Variants in ACSS1 observed in about 807,000 individuals in gnomAD.
ACSS1 encodes acyl-CoA synthetase short chain family member 1, also known as acetyl-coenzyme A synthetase 2-like, mitochondrial.
Under a neutral mutation model 75.3 loss-of-function variants are expected in ACSS1, and 42 were observed. The observed-to-expected ratio is 0.56, with a 90% confidence interval of 0.44 to 0.72. ACSS1 has a LOEUF of 0.72. Ranked by LOEUF, ACSS1 falls within the 30% of genes least tolerant of loss-of-function variation. ACSS1 has a pLI of 0.00. For synonymous variants in ACSS1, 380 were observed against 376.8 expected (o/e 1.01, Z -0.10); for missense variants, 782 against 935.7 (o/e 0.84, Z 2.14).
At chr20:25,053,297 T>C (rs1401533611) in intron 1 of ACSS1, among the ~76,000 whole-genome samples, 1 of 150,262 alleles carries the variant, frequency 6.7e-6, no homozygotes, top group Non-Finnish European at 1.5e-5. Context: ...ACTCCTGGGC[T>C]CAAGCGATCT....
intron 1 of ACSS1, among the ~76,000 whole-genome samples, chr20:25,054,685 C>T (rs1409985162): frequency 1.3e-5 from 2 of 152,216 alleles, no homozygotes; most frequent in Non-Finnish European, 2.9e-5. Flanking sequence ...AGGCTCCAGA[C>T]TTGGGAGTGA....
intron 7 of ACSS1, among the ~76,000 whole-genome samples, chr20:25,019,369 C>T (rs150872453): frequency 3.9e-4 from 59 of 152,340 alleles, no homozygotes; most frequent in African/African-American, 8.9e-4. Flanking sequence ...TATCCATCAA[C>T]ATTACCAATA....
chr20:25,057,133 C>CCGAGAA (rs1436677888), intron 1 of ACSS1, among the ~76,000 whole-genome samples: 1 of 152,128 alleles, frequency 6.6e-6, no homozygotes, highest in Admixed American at 6.5e-5. Flanking sequence ...TTCTCTGAGG[C>CCGAGAA]CGAGAACGAG....
At position 25,012,748 on chromosome 20, in the gene ACSS1, T is replaced by C. The variant is rs2088433415; in HGVS notation, c.1707+64A>G. ...TCGGGCCAGGGACTCCCACCCCAACTTGCAGGTCCACAGGGGCATCATGGA... is the reference window on the plus strand; with the variant it reads ...TCGGGCCAGGGACTCCCACCCCAACCTGCAGGTCCACAGGGGCATCATGGA... On this transcript the variant is annotated intron_variant, in intron 11 of 13. Coordinates refer to ENST00000323482, the MANE Select transcript of ACSS1 (RefSeq NM_032501.4). 3 of 1,612,924 alleles carry C rather than the reference T, an allele frequency of 1.9e-6. No individual in the cohort carries two copies. In the African/African-American group the frequency reaches 4.0e-5, roughly 22 times the overall value.
rs781232536 is a variant in ACSS1 at position 25,013,569 on chromosome 20, G to T, written c.1546C>A (p.Arg516=). The T allele has an allele frequency of 6.2e-7, 1 of 1,606,568 alleles. No homozygotes were observed. The highest frequency in any genetic ancestry group is 8.5e-7 in the Non-Finnish European group (1 of 1,173,972). Reference sequence around the variant, plus strand: ...GCCTTGAAGTAGGCGTCCACAAATCGCTGGTGGTCGCCATAGATGGTCCTG... The same window carrying T: ...GCCTTGAAGTAGGCGTCCACAAATCTCTGGTGGTCGCCATAGATGGTCCTG... The part of the protein sequence containing the change: ...MARTIYGDHQ[R]FVDAYFKAYP... Residue 516 remains arginine (R), a synonymous_variant, in exon 10 of 14, where the codon CGA becomes AGA. Coordinates refer to ENST00000323482, the MANE Select transcript of ACSS1 (RefSeq NM_032501.4).
At chr20:25,012,732 G>T (rs895943118) in intron 11 of ACSS1, 68 bp from the exon 12 acceptor site, 17 of 1,613,198 alleles carry the variant, frequency 1.1e-5, no homozygotes, top group Admixed American at 8.3e-5. Context: ...CTCGGGCCAG[G>T]GACTCCCACC....
intron 1 of ACSS1, among the ~76,000 whole-genome samples, chr20:25,055,535 C>T (rs916217385): frequency 5.9e-5 from 9 of 152,320 alleles, no homozygotes; most frequent in African/African-American, 2.2e-4. Flanking sequence ...GCGTACAGGC[C>T]AGTGGTTCTC....
At position 25,019,997 on chromosome 20, in the gene ACSS1, G is replaced by C; in HGVS notation, c.1246+13C>G. 1 of 1,614,080 alleles carries C rather than the reference G, an allele frequency of 6.2e-7. No individual in the cohort carries two copies. Among genetic ancestry groups the C allele is most frequent in the Non-Finnish European group, 8.5e-7 (1 of 1,180,006 alleles). ...CAAGCACAACCTCTCCTGCTGCAGG[G>C]CAGGCCGCTCACCTGACCCCAGGGT... On this transcript the variant is annotated intron_variant, in intron 7 of 13. Coordinates refer to ENST00000323482, the MANE Select transcript of ACSS1 (RefSeq NM_032501.4).
intron 2 of ACSS1, among the ~76,000 whole-genome samples, chr20:25,042,191 G>A (rs747579854): frequency 2.6e-5 from 4 of 152,126 alleles, no homozygotes; most frequent in Non-Finnish European, 5.9e-5. Context: ...CCAGGACCTC[G>A]GCACCCAGGA....
Position 25,006,604 on chromosome 20 carries a change from C to A in ACSS1, c.*1158G>T. 2.0e-6 allele frequency: 1 copy of A among 495,398 alleles called. No individual in the cohort carries two copies. The highest frequency in any genetic ancestry group is 5.7e-4 in the Middle Eastern group (1 of 1,750). The allele number at this position is 495,398 out of a possible 1,614,324, so 30.7% of individuals were successfully genotyped here. ...GGGGCAAAGAGGACAAACTCTCCCT[C>A]CCCTAAGGGACCCGGCTCACTGGGC... On this transcript the variant is annotated 3_prime_UTR_variant, in exon 14 of 14. Transcript: ENST00000323482.
chr20:25,019,968 AG>A (rs1202767520), intron 7 of ACSS1, 41 bp downstream of exon 7: 12 of 1,613,260 alleles, frequency 7.4e-6, no homozygotes, highest in Non-Finnish European at 1.0e-5. Flanking sequence ...CTGAGGGTCT[AG>A]GGCAAGCACA....
chr20:25,048,244 G>A, intron 1 of ACSS1, 63 bp from the exon 2 acceptor site: 5 of 1,463,750 alleles, frequency 3.4e-6, no homozygotes, highest in Middle Eastern at 1.7e-4. Context: ...ATTCGGCCAG[G>A]TTGAGGGGTT....
rs1378808527 is a variant in ACSS1, at chr20:25,006,837, G to C, written c.*925C>G. ...ACAGAGTGAAGGTCAGGCAGCGTTT[G>C]CCAGGATTTGGCTCTGACCAAGTTA... On this transcript the variant is annotated 3_prime_UTR_variant, in exon 14 of 14. Transcript: ENST00000323482. 1.2e-5 allele frequency: 18 copies of C among 1,535,468 alleles called. No individual in the cohort carries two copies. The Admixed American group carries it at 3.5e-4, about 30-fold the overall frequency.
In ACSS1 at chr20:25,007,390, G is replaced by A. The variant is rs961092845; in HGVS notation, c.*372C>T. 32 of 1,100,374 alleles carry A rather than the reference G, an allele frequency of 2.9e-5. No homozygotes were observed. The highest frequency in any genetic ancestry group is 4.6e-5 in the Admixed American group (1 of 21,590). The allele number at this position is 1,100,374 out of a possible 1,614,324, so 68.2% of individuals were successfully genotyped here. ...ATCTAGACAGATCTGGAGAAAACAC[G>A]GTTGCTACTAGCTAACTAGCTCTGT... On this transcript the variant is annotated 3_prime_UTR_variant, in exon 14 of 14. Transcript: ENST00000323482.
Position 25,023,661 on chromosome 20 carries a change from C to T in ACSS1, c.632-20G>A. 1 of 1,574,514 alleles carries T rather than the reference C, an allele frequency of 6.4e-7. No homozygotes were observed. Among genetic ancestry groups the T allele is most frequent in the East Asian group, 2.2e-5 (1 of 44,450 alleles). Reference sequence around the variant, plus strand: ...ACTTGGCTAACAGAGACAACACAGACATTTCTGATCAGTCTCCTCCCGACT... The same window carrying T: ...ACTTGGCTAACAGAGACAACACAGATATTTCTGATCAGTCTCCTCCCGACT... On this transcript the variant is annotated intron_variant, in intron 3 of 13. Transcript: ENST00000323482.
chr20:25,011,967 C>G (rs1333190050), intron 12 of ACSS1: 1 of 155,436 alleles, frequency 6.4e-6, no homozygotes, highest in African/African-American at 2.4e-5. Context: ...CCTGGATGGA[C>G]CTGGCATTGC....
rs912645389 is a variant in ACSS1, at chr20:25,023,765, A to C, written c.632-124T>G. On this transcript the variant is annotated intron_variant, in intron 3 of 13. Coordinates refer to ENST00000323482, the MANE Select transcript of ACSS1 (RefSeq NM_032501.4). ...AACTCAGTCCAATCTTGAGTAAAAG[A>C]CTCAATGGAAAAAGTGAGGGGCTGC... The C allele has an allele frequency of 8.4e-6, 8 of 953,736 alleles. No individual in the cohort carries two copies. The Admixed American group carries it at 9.5e-5, about 11-fold the overall frequency. 59.1% of individuals were successfully genotyped at this position (953,736 alleles called of 1,614,324 possible).
In ACSS1 at chr20:25,018,497, G is replaced by A. The variant is rs572796601; in HGVS notation, c.1246+1513C>T. Among the ~76,000 whole-genome samples the A allele has an allele frequency of 2.6e-5, 4 of 152,304 alleles. No homozygotes were observed. The South Asian group carries it at 8.3e-4, about 32-fold the overall frequency. ...AAGGGACCTGTTGAGGGTACAGGGTGGGGGCACAGAGCCCATCAATCAGGT... is the reference window on the plus strand; with the variant it reads ...AAGGGACCTGTTGAGGGTACAGGGTAGGGGCACAGAGCCCATCAATCAGGT... On this transcript the variant is annotated intron_variant, in intron 7 of 13. Transcript: ENST00000323482.
chr20:25,045,552 G>A (rs886769569), intron 2 of ACSS1, among the ~76,000 whole-genome samples: 2 of 152,216 alleles, frequency 1.3e-5, no homozygotes, highest in Non-Finnish European at 2.9e-5. Context: ...CCAGCCCCAC[G>A]GGGTTTCTTT....
Sources: allele counts gnomAD v4.1 joint callset (sites outside exome capture counted in the v4.1 genomes callset), GRCh38; gene constraint gnomAD v4.1.1; transcripts MANE v1.5; gene names NCBI Gene and HGNC (gene_info 2026-07-23, HGNC 2026-07-21).